The following ZSCAN5A variants were observed in gnomAD, a reference collection of about 807,000 sequenced individuals.
ZSCAN5A encodes the protein zinc finger and SCAN domain-containing protein 5A.
In ZSCAN5A, 12 loss-of-function variants were observed where a neutral mutation model predicts 23.7. The observed-to-expected ratio is 0.51, with a 90% CI of 0.32 to 0.82. The LOEUF is 0.82. Among genes scored for constraint, ZSCAN5A ranks in the 40% least tolerant of loss-of-function variants. The pLI, the probability that ZSCAN5A is intolerant of heterozygous loss-of-function variation, is 0.03. For synonymous variants in ZSCAN5A, 257 were observed against 239.9 expected (o/e 1.07, Z -0.66); for missense variants, 597 against 617.9 (o/e 0.97, Z 0.36).
chr19:56,274,548 A>G (rs928049555), intron 2 of ZSCAN5A: 2 of 152,168 alleles, frequency 1.3e-5, no homozygotes, highest in African/African-American at 4.8e-5. Context: ...GAAAAGTCAC[A>G]AAAATTAAGT....
intron 2 of ZSCAN5A, chr19:56,312,044 T>G (rs2147379967): frequency 6.6e-6 from 1 of 152,342 alleles, no homozygotes; most frequent in East Asian, 1.9e-4. Flanking sequence ...ATTTGAATAA[T>G]ATGTACGATT....
chr19:56,267,863 G>A (rs1414368905), intron 2 of ZSCAN5A, among the ~76,000 whole-genome samples: 2 of 152,148 alleles, frequency 1.3e-5, no homozygotes, highest in East Asian at 1.9e-4. Context: ...AAAAAGTATC[G>A]ACTGTTGCTA....
chr19:56,297,159 G>A (rs1208875641), intron 2 of ZSCAN5A, among the ~76,000 whole-genome samples: 1 of 152,102 alleles, frequency 6.6e-6, no homozygotes, highest in Non-Finnish European at 1.5e-5. Flanking sequence ...GAGATAACTG[G>A]GGGAAAGGCA....
At chr19:56,319,808 G>C (rs968690753), upstream of ZSCAN5A, 14 of 776,894 alleles carry the variant, frequency 1.8e-5, no homozygotes, top group Non-Finnish European at 3.1e-5. Context: ...CACTGGAATT[G>C]GGACTCTTCT....
At chr19:56,222,494 A>G in intron 5 of ZSCAN5A, 97 bp downstream of exon 5, 1 of 1,556,088 alleles carries the variant, frequency 6.4e-7, no homozygotes, top group South Asian at 1.3e-5. Flanking sequence ...TTGACAGCTG[A>G]GTGCCAACTC....
chr19:56,302,209 G>A, intron 2 of ZSCAN5A: 1 of 631,014 alleles, frequency 1.6e-6, no homozygotes, highest in Non-Finnish European at 2.3e-6. Context: ...AGCAGGAAGT[G>A]GTGGGAGAGC....
chr19:56,326,890 C>G (rs912401996), intron 2 of ZSCAN5A, among the ~76,000 whole-genome samples: 1 of 152,164 alleles, frequency 6.6e-6, no homozygotes, highest in Admixed American at 6.5e-5. Flanking sequence ...CAGAACATAG[C>G]AGCTGAAAGA....
chr19:56,285,021 G>GA, intron 2 of ZSCAN5A: 3 of 985,350 alleles, frequency 3.0e-6, no homozygotes, highest in Non-Finnish European at 3.6e-6. Context: ...ACTGTCACCG[G>GA]ATGGTAAGTG....
At chr19:56,312,104 T>A (rs1359280448) in intron 2 of ZSCAN5A, 15 of 152,208 alleles carry the variant, frequency 9.9e-5, no homozygotes, top group Admixed American at 9.8e-4. Flanking sequence ...ATAAAAAAAA[T>A]TATTAATGAG....
intron 2 of ZSCAN5A, among the ~76,000 whole-genome samples, chr19:56,337,445 G>A (rs141977629): frequency 0.01 from 1,598 of 152,318 alleles, 27 homozygotes; most frequent in African/African-American, 0.036. Context: ...TGCAGTATTA[G>A]GGTGGGAGTG....
chr19:56,287,659 G>A (rs960803686), intron 2 of ZSCAN5A, among the ~76,000 whole-genome samples: 2 of 152,124 alleles, frequency 1.3e-5, no homozygotes, highest in East Asian at 3.9e-4. Flanking sequence ...GTATAATAAC[G>A]GCAGGGGGTT....
chr19:56,329,683 A>T (rs965296411), intron 2 of ZSCAN5A, among the ~76,000 whole-genome samples: 2 of 152,248 alleles, frequency 1.3e-5, no homozygotes, highest in Middle Eastern at 3.4e-3. Flanking sequence ...AATACAATTT[A>T]AAAAACATAA....
chr19:56,223,708 G>A lies in ZSCAN5A; in HGVS notation c.511C>T (p.Gln171Ter). ...GCCTGGCCTTCCCCTGGACGCATCT[G>A]GTTCACCGAGGAGGCCCGTTGGCTG... ...VSSQRASSVN[Q>*]MRPGEGQAHR... Residue 171 changes from glutamine to a stop codon, truncating the protein, a stop_gained, in exon 4 of 6, where the codon CAG becomes TAG. Transcript: ENST00000683990. LOFTEE classifies it high-confidence loss of function. 6.2e-7 allele frequency: 1 copy of A among 1,613,928 alleles called. No individual in the cohort carries two copies.
At chr19:56,281,387 T>C (rs893790341) in intron 2 of ZSCAN5A, among the ~76,000 whole-genome samples, 2 of 152,202 alleles carry the variant, frequency 1.3e-5, no homozygotes, top group African/African-American at 4.8e-5. Context: ...TACATATTTA[T>C]ATAAATATAT....
chr19:56,279,558 G>A (rs964631407), intron 2 of ZSCAN5A, among the ~76,000 whole-genome samples: 10 of 152,158 alleles, frequency 6.6e-5, no homozygotes, highest in Non-Finnish European at 8.8e-5. Flanking sequence ...TTTCAAAATC[G>A]TAAGTGTCCC....
intron 2 of ZSCAN5A, among the ~76,000 whole-genome samples, chr19:56,327,493 G>A (rs2041445365): frequency 6.7e-6 from 1 of 150,240 alleles, no homozygotes; most frequent in Non-Finnish European, 1.5e-5. Flanking sequence ...GTTTTATAAT[G>A]TACATGTTAA....
chr19:56,233,316 T>C (rs2034616160), intron 2 of ZSCAN5A, among the ~76,000 whole-genome samples: 1 of 152,106 alleles, frequency 6.6e-6, no homozygotes, highest in African/African-American at 2.4e-5. Flanking sequence ...ATTCATTTAG[T>C]CCAAACATCA....
chr19:56,270,531 C>A (rs1276351625), intron 2 of ZSCAN5A, among the ~76,000 whole-genome samples: 1 of 152,188 alleles, frequency 6.6e-6, no homozygotes, highest in Admixed American at 6.5e-5. Flanking sequence ...CATACGTGTA[C>A]TGGAGCCAGC....
At chr19:56,228,306 G>C (rs944805239) in intron 2 of ZSCAN5A, 9 of 985,104 alleles carry the variant, frequency 9.1e-6, no homozygotes, top group East Asian at 1.1e-4. Flanking sequence ...CTCTCCAACC[G>C]GCCTGGAGCT....
Sources: gnomAD v4.1 joint callset for allele counts (sites outside exome capture counted in the v4.1 genomes callset) on GRCh38, gnomAD v4.1.1 for gene constraint, MANE v1.5 for transcripts, NCBI Gene and HGNC (gene_info 2026-07-23, HGNC 2026-07-21) for gene names.